TTN: variants seen among roughly 807,000 people sequenced by gnomAD.
TTN encodes connectin.
Under a neutral mutation model 3,223.0 loss-of-function variants are expected in TTN, and 1,525 were observed. The observed-to-expected ratio is 0.47, with a 90% CI of 0.45 to 0.49. The LOEUF is 0.49. Ranked by LOEUF, TTN falls within the 20% of genes least tolerant of loss-of-function variation. TTN has a pLI of 0.00. For synonymous variants in TTN, 14,094 were observed against 15,161.0 expected (o/e 0.93, Z 5.17); for missense variants, 40,786 against 43,424.0 (o/e 0.94, Z 5.40).
rs2061867788 is a variant in TTN at position 178,645,983 on chromosome 2, G to A, written c.40345C>T (p.Pro13449Ser). 6.3e-6 allele frequency: 10 copies of A among 1,583,242 alleles called. No homozygotes were observed. Among genetic ancestry groups the A allele is most frequent in the South Asian group, 6.0e-5 (5 of 83,560 alleles). Residue 13449 changes from proline to serine, a missense_variant, in exon 217 of 363, where the codon CCC (proline) becomes TCC (serine). Coordinates refer to ENST00000589042, the MANE Select transcript of TTN (RefSeq NM_001267550.2). ...GGTGGAGCAGGTGGAGGAGGTGGGG[G>A]TCTTGGTTTGAGTTTTGGCTTCTCA... ...VIEKPKLKPR[P>S]PPPPPAPPKE...
chr2:178,538,526 C>A lies in TTN; in HGVS notation c.99289+14G>T, dbSNP rs1430222916. On this transcript the variant is annotated intron_variant, in intron 354 of 362. Coordinates refer to ENST00000589042, the MANE Select transcript of TTN (RefSeq NM_001267550.2). Reference sequence around the variant, plus strand: ...AGTTTGTAAATCATAAGTAGAGAACCAAAGGCTACTTACATGTGAGTTTAG... The same window carrying A: ...AGTTTGTAAATCATAAGTAGAGAACAAAAGGCTACTTACATGTGAGTTTAG... 1 of 1,594,606 alleles carries A rather than the reference C, an allele frequency of 6.3e-7. No homozygotes were observed. Among genetic ancestry groups the A allele is most frequent in the South Asian group, 1.1e-5 (1 of 87,954 alleles).
chr2:178,755,264 T>C (rs536313592), intron 46 of TTN, among the ~76,000 whole-genome samples: 1 of 152,276 alleles, frequency 6.6e-6, no homozygotes, highest in East Asian at 1.9e-4. Context: ...CCAGACATAA[T>C]GGAGAATCAA....
chr2:178,582,075 C>T lies in TTN; in HGVS notation c.66294G>A (p.Gln22098=). ...TGTTGACCTTAGTCCAGTTAACAGC[C>T]TGGGTTTCCCGCTTTTCAAGCAAAT... ...TGYLLEKRET[Q]AVNWTKVNRK... The change falls in exon 315 of 363, where the codon CAG becomes CAA. Residue 22098 remains glutamine (Q), a synonymous_variant. Transcript: ENST00000589042. 6.2e-7 allele frequency: 1 copy of T among 1,613,216 alleles called. No individual in the cohort carries two copies. Among genetic ancestry groups the T allele is most frequent in the Non-Finnish European group, 8.5e-7 (1 of 1,179,472 alleles).
At chr2:178,692,695 T>A (rs2072761857) in intron 119 of TTN, 115 bp from the exon 120 acceptor site, 2 of 748,078 alleles carry the variant, frequency 2.7e-6, no homozygotes, top group Non-Finnish European at 4.1e-6. Context: ...TGCAAGAAAA[T>A]TATGCTTTAG....
At chr2:178,604,441 A>G (rs1359954056) in intron 281 of TTN, 136 bp from the exon 282 acceptor site, 1 of 789,312 alleles carries the variant, frequency 1.3e-6, no homozygotes, top group African/African-American at 1.8e-5. Context: ...ATGGGAAGAC[A>G]GAGAAAAGGA....
At position 178,709,676 on chromosome 2, in the gene TTN, G is replaced by T. The variant is rs752064053; in HGVS notation, c.28643C>A (p.Thr9548Lys). The change falls in exon 99 of 363, where the codon ACG becomes AAG. Residue 9548 changes from threonine to lysine, a missense_variant. By Grantham distance (78) the Thr-to-Lys change is moderately conservative. Coordinates refer to ENST00000589042, the MANE Select transcript of TTN (RefSeq NM_001267550.2). ...SNCEITFKNN[T>K]LVLQVRKAGM... ...TGCTTTCCTGACTTGCAGCACTAAC[G>T]TGTTGTTCTTGAATGTTATTTCACA... The T allele has an allele frequency of 1.2e-5, 19 of 1,613,886 alleles. No homozygotes were observed. The highest frequency in any genetic ancestry group is 1.1e-4 in the South Asian group (10 of 91,080).
intron 48 of TTN, 91 bp downstream of exon 48, chr2:178,739,050 G>T (rs1048089754): frequency 3.7e-6 from 5 of 1,365,496 alleles, no homozygotes; most frequent in African/African-American, 2.9e-5. Context: ...TTCTGGAAGT[G>T]GCAGATAAGT....
intron 47 of TTN, chr2:178,747,174 G>T: frequency 1.2e-6 from 2 of 1,609,762 alleles, no homozygotes; most frequent in Non-Finnish European, 1.7e-6. Flanking sequence ...TCTCCTGGGG[G>T]TGTGGAGTAT....
chr2:178,617,773 G>T lies in TTN; in HGVS notation c.47572+6C>A. On this transcript the variant is annotated splice_donor_region_variant and intron_variant, in intron 253 of 362. Coordinates refer to ENST00000589042, the MANE Select transcript of TTN (RefSeq NM_001267550.2). The stretch of plus-strand genomic sequence containing the variant: ...AGTAATTATTTCCCTTTTTTGATGG[G>T]CTTACCAATTGGATCAGCAACTTTG... 1 of 1,609,898 alleles carries T rather than the reference G, an allele frequency of 6.2e-7. No individual in the cohort carries two copies. The highest frequency in any genetic ancestry group is 1.7e-5 in the Admixed American group (1 of 59,354).
In TTN at chr2:178,673,620, G is replaced by A. The variant is rs767952871; in HGVS notation, c.34786+13C>T. 28 of 1,551,216 alleles carry A rather than the reference G, an allele frequency of 1.8e-5. No individual in the cohort carries two copies. Among genetic ancestry groups the A allele is most frequent in the Non-Finnish European group, 2.2e-5 (25 of 1,154,626 alleles). ...GGGAAGTTAAAGATATTAATAATGA[G>A]GATTTGATATACCTTTAGCTGGTGG... is the stretch of plus-strand genomic sequence containing the variant. On this transcript the variant is annotated intron_variant, in intron 152 of 362. Transcript: ENST00000589042.
chr2:178,799,313 G>A, intron 6 of TTN, 174 bp downstream of exon 6: 1 of 965,526 alleles, frequency 1.0e-6, no homozygotes, highest in Non-Finnish European at 1.5e-6. Context: ...GAGGAACACG[G>A]AGCCCCACAA....
Position 178,649,295 on chromosome 2 carries a change from T to G in TTN, c.40010A>C (p.Lys13337Thr), listed in dbSNP as rs548890265. ...TTTTTTGGTAACAGGCACAGGTTCT[T>G]TCTTTACTGGAACAAGTTTCTTGGG... Reference protein sequence around the residue: ...EVPKKLVPVKKEPVPVTKKPE... With the variant: ...EVPKKLVPVKTEPVPVTKKPE... The change falls in exon 213 of 363, where the codon AAA becomes ACA. Residue 13337 changes from lysine to threonine, a missense_variant. Lys to Thr is a moderately conservative substitution (Grantham distance 78). Coordinates refer to ENST00000589042, the MANE Select transcript of TTN (RefSeq NM_001267550.2). 1 of 1,479,796 alleles carries G rather than the reference T, an allele frequency of 6.8e-7. No individual in the cohort carries two copies. Among genetic ancestry groups the G allele is most frequent in the South Asian group, 1.4e-5 (1 of 71,616 alleles). 91.7% of individuals were successfully genotyped at this position (1,479,796 alleles called of 1,614,324 possible).
In TTN at chr2:178,577,146, A is replaced by G; in HGVS notation, c.69189T>C (p.Pro23063=). 1 of 1,613,128 alleles carries G rather than the reference A, an allele frequency of 6.2e-7. No homozygotes were observed. The highest frequency in any genetic ancestry group is 1.3e-5 in the African/African-American group (1 of 74,962). Residue 23063 remains proline (P), a synonymous_variant, in exon 324 of 363, where the codon CCT becomes CCC. Transcript: ENST00000589042. ...SAEKATLTWT[P]PLEDGGSPIK... ...TTGGTGAGCCGCCATCTTCCAAGGG[A>G]GGTGTCCATGTAAGTGTTGCTTTTT...
chr2:178,621,044 A>C, intron 246 of TTN, 51 bp from the exon 247 acceptor site: 1 of 1,603,980 alleles, frequency 6.2e-7, no homozygotes, highest in Non-Finnish European at 8.5e-7. Context: ...CAAAGTGGTA[A>C]ATACAAATAC....
In TTN at chr2:178,646,571, G is replaced by T; in HGVS notation, c.40223-12C>A. ...TTCAATTTCACGTTCTTTAAAGAAT[G>T]TTGACAAAGGAGATGAGGTTGCAAT... is the stretch of plus-strand genomic sequence containing the variant. On this transcript the variant is annotated splice_polypyrimidine_tract_variant and intron_variant, in intron 215 of 362. Transcript: ENST00000589042. The T allele has an allele frequency of 6.6e-7, 1 of 1,510,468 alleles. No individual in the cohort carries two copies. Among genetic ancestry groups the T allele is most frequent in the Non-Finnish European group, 9.0e-7 (1 of 1,113,898 alleles). 93.6% of individuals were successfully genotyped at this position (1,510,468 alleles called of 1,614,324 possible).
At position 178,696,009 on chromosome 2, in the gene TTN, C is replaced by A; in HGVS notation, c.31063G>T (p.Glu10355Ter). 2 of 1,548,410 alleles carry A rather than the reference C, an allele frequency of 1.3e-6. No homozygotes were observed. Among genetic ancestry groups the A allele is most frequent in the Non-Finnish European group, 1.7e-6 (2 of 1,145,936 alleles). The change falls in exon 114 of 363, where the codon GAA (glutamate) becomes TAA (stop). Residue 10355 changes from glutamate to a stop codon, truncating the protein, a stop_gained. Coordinates refer to ENST00000589042, the MANE Select transcript of TTN (RefSeq NM_001267550.2). LOFTEE classifies it high-confidence loss of function. Reference sequence around the variant, plus strand: ...TCTTCTTCCCATTCCTCGTGAACTTCTTTTTTAGCTTCTACCTTAATCTCT... The same window carrying A: ...TCTTCTTCCCATTCCTCGTGAACTTATTTTTTAGCTTCTACCTTAATCTCT... The part of the protein sequence containing the change: ...YEEIKVEAKK[E>*]VHEEWEEDFE...
chr2:178,785,821 G>C (rs778876485), intron 14 of TTN, 27 bp downstream of exon 14: 2 of 1,614,078 alleles, frequency 1.2e-6, no homozygotes, highest in South Asian at 2.2e-5. Context: ...CATGAACAAG[G>C]TGAAAAATCA....
chr2:178,666,831 T>TA lies in TTN; in HGVS notation c.35867_35868insT (p.Pro11957ThrfsTer5). On this transcript the variant is annotated frameshift_variant, in exon 163 of 363. Coordinates refer to ENST00000589042, the MANE Select transcript of TTN (RefSeq NM_001267550.2). LOFTEE classifies it high-confidence loss of function. ...CTTTCTTCCAACTTGTACCTGTTGG[T>TA]GATGGTGTTTTTCTTCTTTTAACAA... 1 of 1,566,596 alleles carries TA rather than the reference T, an allele frequency of 6.4e-7. No individual in the cohort carries two copies. The highest frequency in any genetic ancestry group is 1.2e-5 in the South Asian group (1 of 84,516).
Position 178,711,952 on chromosome 2 carries a change from G to C in TTN, c.27878C>G (p.Thr9293Ser). Residue 9293 changes from threonine (T) to serine (S), a missense_variant, in exon 96 of 363, where the codon ACC becomes AGC. Coordinates refer to ENST00000589042, the MANE Select transcript of TTN (RefSeq NM_001267550.2). ...AAAAATATTGCAATCACCTTGAACGGTAAGGAAAGTTGATGCAGAAACTTC... is the reference window on the plus strand; with the variant it reads ...AAAAATATTGCAATCACCTTGAACGCTAAGGAAAGTTGATGCAGAAACTTC... ...VGEVSASTFL[T>S]VQEQKLPPSF... 1 of 1,596,180 alleles carries C rather than the reference G, an allele frequency of 6.3e-7. No homozygotes were observed. The highest frequency in any genetic ancestry group is 8.5e-7 in the Non-Finnish European group (1 of 1,170,292).
Sources: gnomAD v4.1 joint callset for allele counts (sites outside exome capture counted in the v4.1 genomes callset) on GRCh38, gnomAD v4.1.1 for gene constraint, MANE v1.5 for transcripts, NCBI Gene and HGNC (gene_info 2026-07-23, HGNC 2026-07-21) for gene names.